The following UMODL1 variants were observed in gnomAD, a reference collection of about 807,000 sequenced individuals.
The protein encoded by UMODL1 is uromodulin-like 1.
In UMODL1, 128 loss-of-function variants were observed where a neutral mutation model predicts 136.3. That is an observed-to-expected ratio of 0.94 (90% CI 0.81 to 1.09). UMODL1 has a LOEUF of 1.09. Ranked by LOEUF, UMODL1 falls within the 50% of genes least tolerant of loss-of-function variation. UMODL1 has a pLI of 0.00. For synonymous variants in UMODL1, 721 were observed against 720.0 expected (o/e 1.00, Z -0.02); for missense variants, 1,766 against 1,725.6 (o/e 1.02, Z -0.41).
chr21:42,102,072 A>T (rs2066641030), intron 7 of UMODL1, 94 bp from the exon 8 acceptor site: 13 of 925,742 alleles, frequency 1.4e-5, no homozygotes. Context: ...ATTAAAAAAA[A>T]TTATCCCGCC....
At chr21:42,135,923 G>A (rs962778956) in intron 21 of UMODL1, among the ~76,000 whole-genome samples, 1 of 152,194 alleles carries the variant, frequency 6.6e-6, no homozygotes, top group African/African-American at 2.4e-5. Flanking sequence ...AGACTGCCCG[G>A]AAATCAATAC....
chr21:42,068,734 GT>G (rs1300553911), upstream of UMODL1, among the ~76,000 whole-genome samples: 1 of 151,258 alleles, frequency 6.6e-6, no homozygotes, highest in Non-Finnish European at 1.5e-5. This position sits in a 1 kb window ranked among gnomAD's most constrained non-coding sequence, Gnocchi z 5.5. Context: ...ATGAGTTTGT[GT>G]TTGTAAGTGT....
chr21:42,110,772 A>G lies in UMODL1; in HGVS notation c.1658-108A>G, dbSNP rs1292766659. The G allele has an allele frequency of 3.5e-6, 4 of 1,132,894 alleles. No homozygotes were observed. The East Asian group carries it at 1.0e-4, about 29-fold the overall frequency. The allele number at this position is 1,132,894 out of a possible 1,614,324, so 70.2% of individuals were successfully genotyped here. A position where few individuals can be genotyped will look rare whatever the true frequency, so the allele number is the denominator to read the frequency against. ...CCCGCCTGCGTCCCTGGCCAGGTCC[A>G]CTCCGGGATGCAGAGCAGTCCTGCT... On this transcript the variant is annotated intron_variant, in intron 10 of 22. Coordinates refer to ENST00000408910, the MANE Select transcript of UMODL1 (RefSeq NM_001004416.3).
chr21:42,100,756 A>C (rs1601215211), intron 7 of UMODL1, among the ~76,000 whole-genome samples: 1 of 42,752 alleles, frequency 2.3e-5, no homozygotes, highest in Non-Finnish European at 4.3e-5. Flanking sequence ...CACCCCAGCA[A>C]CCCCATGCCC....
chr21:42,113,419 T>A (rs780507234), intron 12 of UMODL1, among the ~76,000 whole-genome samples, 154 bp from the exon 13 acceptor site: 4 of 152,208 alleles, frequency 2.6e-5, no homozygotes, highest in Non-Finnish European at 5.9e-5. Context: ...GGGAGGTTTG[T>A]ACAGGATCCT....
chr21:42,101,504 T>G (rs2066632148), intron 7 of UMODL1, among the ~76,000 whole-genome samples: 1 of 152,312 alleles, frequency 6.6e-6, no homozygotes, highest in Admixed American at 6.5e-5. Flanking sequence ...AGGTGGCTGT[T>G]AGATAACTAG....
At chr21:42,089,683 T>C (rs1471224149) in intron 5 of UMODL1, among the ~76,000 whole-genome samples, 2 of 152,220 alleles carry the variant, frequency 1.3e-5, no homozygotes, top group South Asian at 2.1e-4. Context: ...GGAATGTCAA[T>C]ACATCTAAGC....
chr21:42,081,882 T>C (rs1325927123), intron 2 of UMODL1, among the ~76,000 whole-genome samples: 1 of 152,208 alleles, frequency 6.6e-6, no homozygotes, highest in Non-Finnish European at 1.5e-5. Context: ...TGCTTAACCC[T>C]GAGGCCTTTG....
chr21:42,123,296 A>C lies in UMODL1; in HGVS notation c.3147+146A>C. 3.1e-6 allele frequency: 3 copies of C among 953,292 alleles called. No homozygotes were observed. Among genetic ancestry groups the C allele is most frequent in the Non-Finnish European group, 4.5e-6 (3 of 660,416 alleles). 59.1% of individuals were successfully genotyped at this position (953,292 alleles called of 1,614,324 possible). ...GGGTTCAGGACAGGGTTGAGTTCTC[A>C]ACCAGGGACCAGCCTGCACCCCAGA... is the stretch of plus-strand genomic sequence containing the variant. On this transcript the variant is annotated intron_variant, in intron 17 of 22. Coordinates refer to ENST00000408910, the MANE Select transcript of UMODL1 (RefSeq NM_001004416.3). The surrounding 1 kb of genome is among the most constrained non-coding windows in gnomAD (Gnocchi z 4.4).
chr21:42,115,541 C>T (rs2066891582), intron 13 of UMODL1, among the ~76,000 whole-genome samples: 1 of 152,196 alleles, frequency 6.6e-6, no homozygotes, highest in Admixed American at 6.5e-5. Context: ...TGCTTCAAGT[C>T]ATGCCAGCTT....
At chr21:42,133,917 T>C (rs980202169) in intron 21 of UMODL1, among the ~76,000 whole-genome samples, 1 of 136,676 alleles carries the variant, frequency 7.3e-6, no homozygotes, top group Non-Finnish European at 1.5e-5. Flanking sequence ...TGTTTTGTTT[T>C]GTTTCGTTTT....
At chr21:42,128,811 A>G (rs2067096341) in intron 20 of UMODL1, among the ~76,000 whole-genome samples, 1 of 152,200 alleles carries the variant, frequency 6.6e-6, no homozygotes, top group Non-Finnish European at 1.5e-5. Flanking sequence ...AGCGGCACAC[A>G]GTGTGTTTTT....
intron 10 of UMODL1, among the ~76,000 whole-genome samples, chr21:42,110,080 TGTGGCCTGGAGCCCGAGACA>T: frequency 7.7e-6 from 1 of 130,544 alleles, no homozygotes; most frequent in East Asian, 2.6e-4. Context: ...CCCGAGAGGG[TGTGGCCTGGAGCCCGAGACA>T]GTGTGGAAGC....
rs374491627 is a variant in UMODL1 at position 42,123,325 on chromosome 21, G to A, written c.3147+175G>A. 4.7e-4 allele frequency among the ~76,000 whole-genome samples: 71 copies of A among 152,210 alleles called. No homozygotes were observed. The highest frequency in any genetic ancestry group is 1.9e-3 in the East Asian group (10 of 5,202). On this transcript the variant is annotated intron_variant, in intron 17 of 22. Transcript: ENST00000408910. This position sits in a 1 kb window ranked among gnomAD's most constrained non-coding sequence, Gnocchi z 4.4. ...AGGGACCAGCCTGCACCCCAGAATC[G>A]GAAGGGAGCTGTGAGTCCACCCAGG...
chr21:42,091,641 A>C (rs1313787423), intron 6 of UMODL1, among the ~76,000 whole-genome samples: 1 of 152,280 alleles, frequency 6.6e-6, no homozygotes, highest in East Asian at 1.9e-4. Flanking sequence ...AAAGGAAAGA[A>C]GACGGAATCC....
intron 1 of UMODL1, among the ~76,000 whole-genome samples, chr21:42,072,514 C>G (rs182679851): frequency 1.9e-3 from 294 of 152,264 alleles, no homozygotes; most frequent in Admixed American, 4.3e-3. Flanking sequence ...TGGAGAAGGT[C>G]TTAGGAGGTG....
chr21:42,080,665 G>A (rs1179882579), intron 2 of UMODL1, among the ~76,000 whole-genome samples: 7 of 152,138 alleles, frequency 4.6e-5, no homozygotes. Flanking sequence ...AGAAAATTTG[G>A]AAACACAGAA....
chr21:42,098,861 T>C, intron 6 of UMODL1, 65 bp from the exon 7 acceptor site: 2 of 1,582,942 alleles, frequency 1.3e-6, no homozygotes, highest in Non-Finnish European at 1.7e-6. Flanking sequence ...CTCTGTTACC[T>C]GCTTCAGAAG....
At chr21:42,105,754 G>A (rs565704275) in intron 9 of UMODL1, among the ~76,000 whole-genome samples, 1 of 152,232 alleles carries the variant, frequency 6.6e-6, no homozygotes, top group Non-Finnish European at 1.5e-5. Context: ...GCCCCAGAGG[G>A]AGGGCGGCCC....
Sources: gnomAD v4.1 joint callset for allele counts (sites outside exome capture counted in the v4.1 genomes callset) on GRCh38, gnomAD v4.1.1 for gene constraint, Gnocchi (gnomAD v3.1) non-coding constraint, MANE v1.5 for transcripts, NCBI Gene and HGNC (gene_info 2026-07-23, HGNC 2026-07-21) for gene names.